The following TTC1 variants were observed in gnomAD, a reference collection of about 807,000 sequenced individuals.
The protein encoded by TTC1 is tetratricopeptide repeat domain 1.
In TTC1, 31 loss-of-function variants were observed where a neutral mutation model predicts 37.6. The ratio of observed to expected loss-of-function variants is 0.82; its 90% CI spans 0.62 to 1.11. The LOEUF (loss-of-function observed/expected upper bound fraction) is 1.11. Ranked by LOEUF, TTC1 falls within the 50% of genes most tolerant of loss-of-function variation. The probability of loss-of-function intolerance (pLI) is 0.00; values close to 1 mark genes in which losing one functional copy is unlikely to be tolerated. For synonymous variants in TTC1, 127 were observed against 122.4 expected (o/e 1.04, Z -0.25); for missense variants, 351 against 339.0 (o/e 1.04, Z -0.28).
At chr5:160,060,808 CT>C (rs1753362245) in intron 7 of TTC1, among the ~76,000 whole-genome samples, 1 of 152,210 alleles carries the variant, frequency 6.6e-6, no homozygotes, top group Non-Finnish European at 1.5e-5. Flanking sequence ...TCACCAAAAA[CT>C]TGTTGATTCT....
At chr5:160,014,969 A>G (rs994539146) in intron 2 of TTC1, among the ~76,000 whole-genome samples, 1 of 152,046 alleles carries the variant, frequency 6.6e-6, no homozygotes, top group African/African-American at 2.4e-5. Context: ...AACCCTTGGA[A>G]TTTTCTGATA....
chr5:160,043,041 A>G, intron 4 of TTC1, 92 bp from the exon 5 acceptor site: 1 of 1,275,940 alleles, frequency 7.8e-7, no homozygotes, highest in Non-Finnish European at 1.1e-6. Flanking sequence ...TATCTCCATA[A>G]GCAGTTATTA....
chr5:160,031,613 C>CA (rs972473887), intron 2 of TTC1, among the ~76,000 whole-genome samples: 7 of 151,384 alleles, frequency 4.6e-5, no homozygotes, highest in African/African-American at 9.7e-5. Context: ...GACTCTGTCT[C>CA]AAAAAAAATA....
intron 2 of TTC1, among the ~76,000 whole-genome samples, chr5:160,024,921 C>CA (rs1756774485): frequency 6.6e-6 from 1 of 152,334 alleles, no homozygotes; most frequent in Non-Finnish European, 1.5e-5. Flanking sequence ...ACTGTAGCCT[C>CA]AAATTCCTGG....
At chr5:160,017,893 G>A (rs1382083298) in intron 2 of TTC1, among the ~76,000 whole-genome samples, 3 of 152,168 alleles carry the variant, frequency 2.0e-5, no homozygotes, top group Non-Finnish European at 2.9e-5. Flanking sequence ...ATTGTTTGAG[G>A]CCCTGAGGGA....
At chr5:160,024,241 G>A (rs184936198) in intron 2 of TTC1, among the ~76,000 whole-genome samples, 1 of 152,264 alleles carries the variant, frequency 6.6e-6, no homozygotes, top group African/African-American at 2.4e-5. Context: ...TATTTCCCAG[G>A]TGGAGAGTTC....
intron 7 of TTC1, among the ~76,000 whole-genome samples, chr5:160,062,826 C>G (rs921782682): frequency 2.0e-5 from 3 of 151,996 alleles, no homozygotes; most frequent in African/African-American, 7.2e-5. Context: ...TTCCCCCTTC[C>G]TGTCCTCTTT....
chr5:160,023,097 T>C (rs1274367919), intron 2 of TTC1, among the ~76,000 whole-genome samples: 2 of 151,542 alleles, frequency 1.3e-5, no homozygotes, highest in East Asian at 3.9e-4. Context: ...CTACTAAAAA[T>C]ACAAAAAAAA....
In TTC1 at chr5:160,056,977, CT is replaced by C. The variant is rs1326175035; in HGVS notation, c.745+5805del. On this transcript the variant is annotated intron_variant, in intron 7 of 7. Coordinates refer to ENST00000231238, the MANE Select transcript of TTC1 (RefSeq NM_003314.3). Reference sequence around the variant, plus strand: ...ATACATGTAGGTACAGAAACCCAGTCTTTTTTTTTTTCCACATTTCTCTTCA... The same window carrying C: ...ATACATGTAGGTACAGAAACCCAGTCTTTTTTTTTTCCACATTTCTCTTCA... 2.5e-3 allele frequency among the ~76,000 whole-genome samples: 362 copies of C among 147,436 alleles called. 2 individuals are homozygous for C. Among genetic ancestry groups the C allele is most frequent in the African/African-American group, 7.9e-3 (318 of 40,382 alleles).
intron 5 of TTC1, among the ~76,000 whole-genome samples, chr5:160,045,558 T>TCTCTC (rs1359973493): frequency 1.6e-5 from 1 of 63,594 alleles, no homozygotes. Context: ...TCTCTCCCCC[T>TCTCTC]CCCCTCTCTC....
chr5:160,045,957 G>A (rs1196947191), intron 5 of TTC1, among the ~76,000 whole-genome samples: 4 of 152,098 alleles, frequency 2.6e-5, no homozygotes, highest in South Asian at 4.1e-4. Context: ...TGGCCAGGCT[G>A]CTCTCGAACT....
intron 4 of TTC1, chr5:160,039,175 A>G (rs1477369361): frequency 6.6e-6 from 1 of 152,120 alleles, no homozygotes; most frequent in Non-Finnish European, 1.5e-5. Flanking sequence ...GCCACGCTTC[A>G]CATTTCATAT....
intron 2 of TTC1, among the ~76,000 whole-genome samples, chr5:160,011,578 A>G (rs1188357642): frequency 6.6e-6 from 1 of 152,270 alleles, no homozygotes; most frequent in Admixed American, 6.5e-5. Flanking sequence ...CTAGAGTATA[A>G]TGTATAATGT....
chr5:160,037,457 C>T (rs558161970), intron 4 of TTC1, among the ~76,000 whole-genome samples: 26 of 152,252 alleles, frequency 1.7e-4, no homozygotes, highest in African/African-American at 4.8e-4. Flanking sequence ...GGCTCACACC[C>T]GTAAACCCAG....
Position 160,040,503 on chromosome 5 carries a change from AT to A in TTC1, c.505-2623del, listed in dbSNP as rs571777261. Among the ~76,000 whole-genome samples, 399 of 152,166 alleles carry A rather than the reference AT, an allele frequency of 2.6e-3. 1 individual carries two copies. The highest frequency in any genetic ancestry group is 9.0e-3 in the African/African-American group (375 of 41,500). ...CCTTGTTTTCTTTATAAACTTTTAA[AT>A]TTTTTTAAACTCTTTTATAATAACA... On this transcript the variant is annotated intron_variant, in intron 4 of 7. Transcript: ENST00000231238.
rs376753870 is a variant in TTC1 at position 160,022,201 on chromosome 5, A to G, written c.330+11343A>G. Among the ~76,000 whole-genome samples, 76 of 152,200 alleles carry G rather than the reference A, an allele frequency of 5.0e-4. 1 individual carries two copies. Among genetic ancestry groups the G allele is most frequent in the African/African-American group, 1.5e-3 (62 of 41,440 alleles). ...ACTATTTAATAATGATAGATGGGGT[A>G]TACACTTATAAGCTCAAAGTCAAGT... On this transcript the variant is annotated intron_variant, in intron 2 of 7. Transcript: ENST00000231238.
intron 7 of TTC1, among the ~76,000 whole-genome samples, chr5:160,054,931 CTG>C (rs965100497): frequency 3.3e-5 from 5 of 152,250 alleles, no homozygotes; most frequent in African/African-American, 1.2e-4. Context: ...CTCTGCTCAA[CTG>C]TAAGATACTT....
At chr5:160,063,883 C>T (rs576277843) in intron 7 of TTC1, among the ~76,000 whole-genome samples, 1 of 152,026 alleles carries the variant, frequency 6.6e-6, no homozygotes, top group African/African-American at 2.4e-5. Context: ...CTCAAACCCT[C>T]CTCTTGCCTC....
At position 160,065,486 on chromosome 5, in the gene TTC1, G is replaced by A. The variant is rs536411547; in HGVS notation, c.*421G>A. The A allele has an allele frequency of 2.7e-5, 12 of 444,458 alleles. No homozygotes were observed. In the East Asian group the frequency reaches 2.8e-4, roughly 10 times the overall value. The allele number at this position is 444,458 out of a possible 1,614,324, so 27.5% of individuals were successfully genotyped here. A position where few individuals can be genotyped will look rare whatever the true frequency, so the allele number is the denominator to read the frequency against. ...TCCCCTCCCTGATCACACAGCTAAC[G>A]AGGCTGCCTCCAGCATTTCCTGATT... is the stretch of plus-strand genomic sequence containing the variant. On this transcript the variant is annotated 3_prime_UTR_variant, in exon 8 of 8. Coordinates refer to ENST00000231238, the MANE Select transcript of TTC1 (RefSeq NM_003314.3).
Sources: allele counts gnomAD v4.1 joint callset (sites outside exome capture counted in the v4.1 genomes callset), GRCh38; gene constraint gnomAD v4.1.1; transcripts MANE v1.5; gene names NCBI Gene and HGNC (gene_info 2026-07-23, HGNC 2026-07-21).